Variants in ZFAND4 observed in about 807,000 individuals in gnomAD.
The protein encoded by ZFAND4 is AN1-type zinc finger protein 4.
ZFAND4 carries 43 observed loss-of-function variants against 64.4 expected under a neutral mutation model. The observed-to-expected ratio is 0.67, with a 90% confidence interval of 0.52 to 0.86. The LOEUF (loss-of-function observed/expected upper bound fraction) is 0.86. Among genes scored for constraint, ZFAND4 ranks in the 40% least tolerant of loss-of-function variants. The pLI is 0.00. For missense variants in ZFAND4, 929 were observed against 859.8 expected (o/e 1.08, Z -1.01); for synonymous variants, 296 against 305.7 (o/e 0.97, Z 0.33).
intron 6 of ZFAND4, among the ~76,000 whole-genome samples, chr10:45,635,877 A>G (rs548216053): frequency 6.6e-5 from 10 of 152,310 alleles, no homozygotes; most frequent in African/African-American, 2.4e-4. Flanking sequence ...ATTTTATGAC[A>G]TATGTATTTT....
At chr10:45,660,160 C>CAA (rs59673620) in intron 2 of ZFAND4, among the ~76,000 whole-genome samples, 94 of 92,344 alleles carry the variant, frequency 1.0e-3, no homozygotes, top group East Asian at 2.0e-3. Context: ...AGACGCATCT[C>CAA]AAAAAAAAAA....
At position 45,616,184 on chromosome 10, in the gene ZFAND4, TAACAC is replaced by T. The variant is rs1385089396; in HGVS notation, c.*247_*251del. 7.7e-5 allele frequency: 35 copies of T among 453,978 alleles called. No individual in the cohort carries two copies. The highest frequency in any genetic ancestry group is 6.0e-4 in the Admixed American group (15 of 25,208). The allele number at this position is 453,978 out of a possible 1,614,324, so 28.1% of individuals were successfully genotyped here. On this transcript the variant is annotated 3_prime_UTR_variant, in exon 10 of 10. Transcript: ENST00000344646. Reference sequence around the variant, plus strand: ...ACTGCAATATCATATACAAAACACTTAACACAAGACATGCAATAACAAAGCTAAAT... The same window carrying T: ...ACTGCAATATCATATACAAAACACTTAAGACATGCAATAACAAAGCTAAAT...
chr10:45,634,503 T>C (rs2046422415), intron 6 of ZFAND4, among the ~76,000 whole-genome samples: 1 of 148,166 alleles, frequency 6.7e-6, no homozygotes, highest in African/African-American at 2.5e-5. Flanking sequence ...CACTCCAGCC[T>C]GGGCAACAGC....
chr10:45,637,441 G>C (rs1332199082), intron 6 of ZFAND4, among the ~76,000 whole-genome samples: 2 of 151,370 alleles, frequency 1.3e-5, no homozygotes, highest in Admixed American at 6.6e-5. Flanking sequence ...TTCATCAAAA[G>C]GTTATCAAAA....
intron 5 of ZFAND4, among the ~76,000 whole-genome samples, chr10:45,643,605 G>A (rs1347137905): frequency 6.6e-6 from 1 of 150,628 alleles, no homozygotes; most frequent in Non-Finnish European, 1.5e-5. Context: ...GGGAGGCAGA[G>A]GTTGCAGTGA....
chr10:45,626,470 C>CCCA lies in ZFAND4; in HGVS notation c.1350_1352dup (p.Gly451dup). 1 of 1,613,632 alleles carries CCCA rather than the reference C, an allele frequency of 6.2e-7. No individual in the cohort carries two copies. On this transcript the variant is annotated inframe_insertion, in exon 7 of 10. Coordinates refer to ENST00000344646, the MANE Select transcript of ZFAND4 (RefSeq NM_174890.4). ...TAAGAACTGAAGTCTCTACTGATTC[C>CCCA]CCATTCAGCACTCCTGCAACATGCT...
chr10:45,643,042 T>A (rs909908664), intron 5 of ZFAND4, among the ~76,000 whole-genome samples: 1 of 146,734 alleles, frequency 6.8e-6, no homozygotes, highest in Non-Finnish European at 1.5e-5. Context: ...TGCCTCAGCC[T>A]CCCTAGTAGC....
chr10:45,625,969 T>G lies in ZFAND4; in HGVS notation c.1854A>C (p.Glu618Asp). 6.2e-7 allele frequency: 1 copy of G among 1,614,050 alleles called. No homozygotes were observed. Among genetic ancestry groups the G allele is most frequent in the Non-Finnish European group, 8.5e-7 (1 of 1,180,024 alleles). Residue 618 changes from glutamate to aspartate, a missense_variant, in exon 7 of 10, where the codon GAA (glutamate) becomes GAC (aspartate). Glu to Asp is a conservative substitution (Grantham distance 45). Coordinates refer to ENST00000344646, the MANE Select transcript of ZFAND4 (RefSeq NM_174890.4). ...ENFRKSSPQLEHTGVFLSTHG... is the reference protein window; with the variant it reads ...ENFRKSSPQLDHTGVFLSTHG... ...TACTGACCAAAAAAACTCCTGTATG[T>G]TCTAACTGGGGAGAACTTTTCCTAA...
intron 8 of ZFAND4, among the ~76,000 whole-genome samples, chr10:45,624,054 G>T (rs1275122158): frequency 6.6e-6 from 1 of 152,140 alleles, no homozygotes; most frequent in African/African-American, 2.4e-5. Flanking sequence ...TGACTGGCCG[G>T]TGCATCTTTA....
At chr10:45,651,304 G>T in intron 4 of ZFAND4, 1 of 219,870 alleles carries the variant, frequency 4.5e-6, no homozygotes, top group Non-Finnish European at 9.4e-6. Flanking sequence ...CTTTTTCGAG[G>T]GCCCTTCCTA....
chr10:45,616,676 GTTC>G, intron 9 of ZFAND4, 105 bp from the exon 10 acceptor site: 1 of 1,157,676 alleles, frequency 8.6e-7, no homozygotes. Context: ...GGGCCCTTTG[GTTC>G]TTTTTAGCAA....
chr10:45,632,858 C>T (rs747906598), intron 6 of ZFAND4, among the ~76,000 whole-genome samples: 4 of 152,158 alleles, frequency 2.6e-5, no homozygotes, highest in Non-Finnish European at 5.9e-5. Context: ...AAAACCAACT[C>T]TATAGTGTAT....
intron 5 of ZFAND4, 27 bp downstream of exon 5, chr10:45,648,267 C>T (rs1564608069): frequency 6.4e-7 from 1 of 1,553,220 alleles, no homozygotes; most frequent in South Asian, 1.2e-5. Context: ...TTTGACAACA[C>T]AAGGTAAACA....
At chr10:45,654,081 T>G (rs189815388) in intron 2 of ZFAND4, among the ~76,000 whole-genome samples, 1 of 152,172 alleles carries the variant, frequency 6.6e-6, no homozygotes, top group Non-Finnish European at 1.5e-5. Flanking sequence ...AAAACCCAAA[T>G]AACATGTGTT....
In ZFAND4 at chr10:45,626,344, C is replaced by G. The variant is rs2045821430; in HGVS notation, c.1479G>C (p.Gln493His). The G allele has an allele frequency of 2.5e-6, 4 of 1,614,182 alleles. No individual in the cohort carries two copies. Among genetic ancestry groups the G allele is most frequent in the Non-Finnish European group, 3.4e-6 (4 of 1,180,032 alleles). Residue 493 changes from glutamine to histidine, a missense_variant, in exon 7 of 10, where the codon CAG becomes CAC. By Grantham distance (24) the Gln-to-His change is conservative (BLOSUM62 0). Coordinates refer to ENST00000344646, the MANE Select transcript of ZFAND4 (RefSeq NM_174890.4). ...LHNSLVKPER[Q>H]SKCFEFGKLQ... ...GCTTCCCAAACTCAAAACATTTGGA[C>G]TGTCTCTCTGGTTTCACCAGAGAAT...
chr10:45,626,587 CTG>C lies in ZFAND4; in HGVS notation c.1234_1235del (p.Gln412GlufsTer18), dbSNP rs2045844993. 1 of 1,614,096 alleles carries C rather than the reference CTG, an allele frequency of 6.2e-7. No individual in the cohort carries two copies. Among genetic ancestry groups the C allele is most frequent in the South Asian group, 1.1e-5 (1 of 91,084 alleles). ...TGCACGCACCTTCTAAGCCGCTGCT[CTG>C]TTCATCAGCATTTCCTTCTGCAAAT... ...ASFAEGNADE[Q>X]SSGLEGACKV... On this transcript the variant is annotated frameshift_variant, in exon 7 of 10. Coordinates refer to ENST00000344646, the MANE Select transcript of ZFAND4 (RefSeq NM_174890.4). LOFTEE classifies it high-confidence loss of function.
At chr10:45,652,295 T>C (rs761434200) in intron 3 of ZFAND4, among the ~76,000 whole-genome samples, 26 of 152,220 alleles carry the variant, frequency 1.7e-4, no homozygotes, top group Non-Finnish European at 3.5e-4. Context: ...TTTAGCCTGT[T>C]CATTTCACAT....
At chr10:45,635,209 AAAAAC>A (rs2046489491) in intron 6 of ZFAND4, among the ~76,000 whole-genome samples, 1 of 143,984 alleles carries the variant, frequency 6.9e-6, no homozygotes, top group Non-Finnish European at 1.5e-5. Flanking sequence ...AAAAAAAAAA[AAAAAC>A]AAAAAAAAAA....
intron 8 of ZFAND4, among the ~76,000 whole-genome samples, chr10:45,623,222 A>G (rs1474291942): frequency 6.6e-6 from 1 of 152,202 alleles, no homozygotes. Flanking sequence ...TTCCTCAAAA[A>G]ATTAAAAATA....
Sources: gnomAD v4.1 joint callset for allele counts (sites outside exome capture counted in the v4.1 genomes callset) on GRCh38, gnomAD v4.1.1 for gene constraint, MANE v1.5 for transcripts, NCBI Gene and HGNC (gene_info 2026-07-23, HGNC 2026-07-21) for gene names.